Variants in NTAN1 observed in about 807,000 individuals in gnomAD.
NTAN1 encodes the protein protein N-terminal asparagine amidohydrolase.
NTAN1 carries 32 observed loss-of-function variants against 41.9 expected under a neutral mutation model. That is an observed-to-expected ratio of 0.76 (90% CI 0.58 to 1.03). The LOEUF is 1.03. Among genes scored for constraint, NTAN1 ranks in the 50% least tolerant of loss-of-function variants. The pLI, the probability that NTAN1 is intolerant of heterozygous loss-of-function variation, is 0.00. For synonymous variants in NTAN1, 140 were observed against 139.5 expected (o/e 1.00, Z -0.03); for missense variants, 377 against 377.5 (o/e 1.00, Z 0.01).
intron 4 of NTAN1, 51 bp downstream of exon 4, chr16:15,047,391 T>C: frequency 8.4e-7 from 1 of 1,191,306 alleles, no homozygotes; most frequent in Non-Finnish European, 1.3e-6. Context: ...ACGTCCTGTA[T>C]GCGACGGTTC....
intron 5 of NTAN1, among the ~76,000 whole-genome samples, chr16:15,042,289 G>A (rs900336093): frequency 1.3e-5 from 2 of 150,824 alleles, no homozygotes; most frequent in Non-Finnish European, 2.9e-5. Context: ...AGGTTCAAGC[G>A]ATTTTCCTGC....
chr16:15,049,243 G>A (rs2044203990), intron 1 of NTAN1, among the ~76,000 whole-genome samples: 1 of 152,116 alleles, frequency 6.6e-6, no homozygotes, highest in African/African-American at 2.4e-5. Flanking sequence ...TGCCCAGGCT[G>A]GTCTCAAACT....
chr16:15,055,870 C>T (rs1223545808), intron 1 of NTAN1, 21 bp downstream of exon 1: 33 of 1,209,280 alleles, frequency 2.7e-5, no homozygotes, highest in Non-Finnish European at 3.3e-5. Flanking sequence ...GCCCCGAAGC[C>T]CCGCGCCGCG....
intron 4 of NTAN1, chr16:15,044,766 T>C (rs1451613430): frequency 2.1e-5 from 5 of 233,978 alleles, no homozygotes; most frequent in African/African-American, 1.1e-4. Context: ...GGCGGATCAC[T>C]TGAGGTTAGG....
intron 6 of NTAN1, 44 bp from the exon 7 acceptor site, chr16:15,041,165 C>T: frequency 1.7e-6 from 2 of 1,200,566 alleles, no homozygotes; most frequent in Non-Finnish European, 2.5e-6. Context: ...AAAGAAATAC[C>T]AAATGATTAT....
chr16:15,038,264 G>T, intron 9 of NTAN1, 54 bp from the exon 10 acceptor site: 1 of 1,251,404 alleles, frequency 8.0e-7, no homozygotes, highest in Non-Finnish European at 1.1e-6. Flanking sequence ...GTCCCCTGCT[G>T]TGATAAAGAT....
chr16:15,051,630 G>T (rs962346635), intron 1 of NTAN1, among the ~76,000 whole-genome samples: 1 of 151,854 alleles, frequency 6.6e-6, no homozygotes, highest in Non-Finnish European at 1.5e-5. Flanking sequence ...AACCACAGGC[G>T]CACGCCACCA....
intron 1 of NTAN1, among the ~76,000 whole-genome samples, chr16:15,053,828 T>C (rs1233899512): frequency 1.3e-5 from 2 of 152,152 alleles, no homozygotes; most frequent in Non-Finnish European, 2.9e-5. Flanking sequence ...GGAGAATCGC[T>C]TGAACCTTGG....
intron 5 of NTAN1, among the ~76,000 whole-genome samples, chr16:15,044,106 G>T (rs528445783): frequency 2.6e-4 from 39 of 152,224 alleles, no homozygotes; most frequent in African/African-American, 8.7e-4. Context: ...TGTGTTCACT[G>T]CTGTTTTAGT....
At chr16:15,047,814 G>A (rs2044136664) in intron 3 of NTAN1, 41 bp downstream of exon 3, 7 of 1,504,946 alleles carry the variant, frequency 4.7e-6, no homozygotes, top group Non-Finnish European at 6.5e-6. Context: ...CAAAGGTTGG[G>A]TCAGTTTAAG....
chr16:15,040,548 C>G (rs1311908163), intron 7 of NTAN1: 2 of 173,150 alleles, frequency 1.2e-5, no homozygotes, highest in Admixed American at 1.1e-4. Flanking sequence ...GAAATAGAGC[C>G]GATTCCATGA....
At chr16:15,046,542 G>T (rs1280700629) in intron 4 of NTAN1, among the ~76,000 whole-genome samples, 4 of 152,052 alleles carry the variant, frequency 2.6e-5, no homozygotes, top group Non-Finnish European at 4.4e-5. Context: ...GAGGTGCTGT[G>T]GGGGCACCCA....
chr16:15,043,678 G>T (rs927851747), intron 5 of NTAN1, among the ~76,000 whole-genome samples: 3 of 152,162 alleles, frequency 2.0e-5, no homozygotes, highest in African/African-American at 7.2e-5. Flanking sequence ...GGCCAGGTGT[G>T]GTGACTCACA....
chr16:15,046,812 C>A (rs148103159), intron 4 of NTAN1, among the ~76,000 whole-genome samples: 64 of 151,682 alleles, frequency 4.2e-4, no homozygotes, highest in African/African-American at 1.4e-3. Flanking sequence ...AAAGTCAAGG[C>A]TGCAGTAAGC....
chr16:15,044,405 AG>A lies in NTAN1; in HGVS notation c.361del (p.Leu121TrpfsTer36). ...GAAGCCTCCAACAAGGTGTACTTCC[AG>A]CCTGGCAAAGAGATGAGACGGGTCA... The part of the protein sequence containing the change: ...SFSDHAQCGR[L>X]EVHLVGGFSD... On this transcript the variant is annotated frameshift_variant and splice_region_variant, in exon 5 of 10. Transcript: ENST00000287706. LOFTEE classifies it high-confidence loss of function. The A allele has an allele frequency of 6.2e-7, 1 of 1,611,684 alleles. No homozygotes were observed. Among genetic ancestry groups the A allele is most frequent in the Non-Finnish European group, 8.5e-7 (1 of 1,177,780 alleles).
In NTAN1 at chr16:15,044,357, T is replaced by G; in HGVS notation, c.410A>C (p.Gln137Pro). ...GGFSDDRQLS[Q>P]KLTHQLLSEF... ...ACTAAGAAGTTGATGAGTGAGTTTT[T>G]GTGACAACTGCCTGTCGTCACTGAA... The change falls in exon 5 of 10, where the codon CAA becomes CCA. Residue 137 changes from glutamine to proline, a missense_variant. Physicochemically the swap from Gln to Pro is moderately conservative, Grantham distance 76 (BLOSUM62 -1). Coordinates refer to ENST00000287706, the MANE Select transcript of NTAN1 (RefSeq NM_173474.4). 6.2e-7 allele frequency: 1 copy of G among 1,613,014 alleles called. No homozygotes were observed. The highest frequency in any genetic ancestry group is 8.5e-7 in the Non-Finnish European group (1 of 1,179,034).
intron 1 of NTAN1, among the ~76,000 whole-genome samples, chr16:15,055,281 A>T (rs897348737): frequency 6.6e-6 from 1 of 152,236 alleles, no homozygotes; most frequent in Non-Finnish European, 1.5e-5. Context: ...CAGAAAAAAC[A>T]AAAACAAAAC....
At chr16:15,041,834 G>T (rs1262050110) in intron 5 of NTAN1, among the ~76,000 whole-genome samples, 158 bp from the exon 6 acceptor site, 5 of 152,192 alleles carry the variant, frequency 3.3e-5, no homozygotes, top group Non-Finnish European at 7.3e-5. Context: ...TATGGGGCCA[G>T]ACACTAGGGA....
At chr16:15,044,214 G>T in intron 5 of NTAN1, 120 bp downstream of exon 5, 4 of 674,328 alleles carry the variant, frequency 5.9e-6, no homozygotes, top group South Asian at 5.2e-5. Context: ...CTGTTTCTCT[G>T]TGCTGCTCCA....
Sources: allele counts gnomAD v4.1 joint callset (sites outside exome capture counted in the v4.1 genomes callset), GRCh38; gene constraint gnomAD v4.1.1; transcripts MANE v1.5; gene names NCBI Gene and HGNC (gene_info 2026-07-23, HGNC 2026-07-21).